The following ELMOD3 variants were observed in gnomAD, a reference collection of about 807,000 sequenced individuals.
ELMOD3 encodes ELMO domain-containing protein 3.
ELMOD3 carries 36 observed loss-of-function variants against 47.4 expected under a neutral mutation model. That is an observed-to-expected ratio of 0.76 (90% CI 0.58 to 1.00). The LOEUF (loss-of-function observed/expected upper bound fraction) is 1.00. ELMOD3 is among the 50% of genes least tolerant of loss of function. The probability of loss-of-function intolerance (pLI) is 0.00; values close to 1 mark genes in which losing one functional copy is unlikely to be tolerated. For missense variants in ELMOD3, 404 were observed against 463.8 expected (o/e 0.87, Z 1.18); for synonymous variants, 149 against 183.5 (o/e 0.81, Z 1.52).
chr2:85,371,593 T>C, intron 10 of ELMOD3, 31 bp downstream of exon 10: 1 of 1,613,288 alleles, frequency 6.2e-7, no homozygotes, highest in African/African-American at 1.3e-5. Context: ...ATCTTCTTTT[T>C]CATGCCTCTG....
chr2:85,357,694 G>A (rs1048163302), intron 4 of ELMOD3: 1 of 153,058 alleles, frequency 6.5e-6, no homozygotes, highest in Non-Finnish European at 1.5e-5. Context: ...TTAAATGGAG[G>A]CTGTGGGATT....
At chr2:85,385,859 C>A (rs753497805) in intron 11 of ELMOD3, among the ~76,000 whole-genome samples, 7 of 152,004 alleles carry the variant, frequency 4.6e-5, no homozygotes, top group Non-Finnish European at 1.0e-4. Context: ...AGAGATGATG[C>A]TGGTTTGTCA....
chr2:85,384,182 T>C (rs1254740383), intron 11 of ELMOD3, among the ~76,000 whole-genome samples: 2 of 152,148 alleles, frequency 1.3e-5, no homozygotes, highest in Non-Finnish European at 2.9e-5. Flanking sequence ...TTGAATAGAG[T>C]GGGAGGCAGG....
In ELMOD3 at chr2:85,356,947, C is replaced by CT. The variant is rs1558688751; in HGVS notation, c.-232-12dup. 24 of 313,596 alleles carry CT rather than the reference C, an allele frequency of 7.7e-5. No homozygotes were observed. The highest frequency in any genetic ancestry group is 1.0e-4 in the Non-Finnish European group (18 of 173,370). The allele number at this position is 313,596 out of a possible 1,614,324, so 19.4% of individuals were successfully genotyped here. A position where few individuals can be genotyped will look rare whatever the true frequency, so the allele number is the denominator to read the frequency against. ...TGAAACCAGTTTTCTTTTTCAATTTCTTTTTTTTCTTTTGTGCAGAGCTGA... is the reference window on the plus strand; with the variant it reads ...TGAAACCAGTTTTCTTTTTCAATTTCTTTTTTTTTCTTTTGTGCAGAGCTGA... On this transcript the variant is annotated intron_variant, in intron 3 of 13. Coordinates refer to ENST00000409013, the MANE Select transcript of ELMOD3 (RefSeq NM_001135022.2).
chr2:85,361,952 G>A (rs1684001353), intron 4 of ELMOD3, among the ~76,000 whole-genome samples: 1 of 151,810 alleles, frequency 6.6e-6, no homozygotes, highest in Non-Finnish European at 1.5e-5. Flanking sequence ...AGAAAAAGTG[G>A]AGGGTGGGAG....
rs750415512 is a variant in ELMOD3, at chr2:85,362,252, G to T, written c.121G>T (p.Gly41Ter). The change falls in exon 5 of 14, where the codon GGA becomes TGA. Residue 41 changes from glycine to a stop codon, truncating the protein, a stop_gained. Transcript: ENST00000409013. LOFTEE classifies it high-confidence loss of function. ...GGACAAGAGTGTTCTGGCTTTCAGA[G>T]GAATCCCTGTATGTATCACCCACAA... ...DKDKSVLAFR[G>*]IPISELKNHG... is the part of the protein sequence containing the mutation. 4 of 1,588,952 alleles carry T rather than the reference G, an allele frequency of 2.5e-6. No homozygotes were observed. Among genetic ancestry groups the T allele is most frequent in the Non-Finnish European group, 3.5e-6 (4 of 1,157,184 alleles).
intron 6 of ELMOD3, among the ~76,000 whole-genome samples, chr2:85,364,280 A>ATT (rs55652730): frequency 5.3e-4 from 79 of 147,918 alleles, no homozygotes; most frequent in African/African-American, 1.9e-3. Context: ...GGCATAGCTA[A>ATT]TTTTTTTTTT....
intron 11 of ELMOD3, among the ~76,000 whole-genome samples, chr2:85,388,750 A>G (rs1247599065): frequency 6.6e-6 from 1 of 152,276 alleles, no homozygotes; most frequent in African/African-American, 2.4e-5. Context: ...AGTACCACTA[A>G]GGAGCTGAAT....
At position 85,390,135 on chromosome 2, in the gene ELMOD3, CAG is replaced by C. The variant is rs772244180; in HGVS notation, c.818_819del. ...AGCAGGTCACCTTGCCTTTTTCCTG[CAG>C]AGAGTGTAATCGGCAGCAGAAGGTC... On this transcript the variant is annotated splice_acceptor_variant, in intron 12 of 13. Coordinates refer to ENST00000409013, the MANE Select transcript of ELMOD3 (RefSeq NM_001135022.2). LOFTEE classifies it high-confidence loss of function. 80 of 1,613,600 alleles carry C rather than the reference CAG, an allele frequency of 5.0e-5. No individual in the cohort carries two copies. The highest frequency in any genetic ancestry group is 1.2e-4 in the African/African-American group (9 of 74,924).
In ELMOD3 at chr2:85,377,430, C is replaced by A. The variant is rs1174833338; in HGVS notation, c.694C>A (p.Pro232Thr). The A allele has an allele frequency of 3.1e-6, 5 of 1,610,336 alleles. No homozygotes were observed. Among genetic ancestry groups the A allele is most frequent in the Non-Finnish European group, 4.2e-6 (5 of 1,178,250 alleles). ...LYLVMDSKTL[P>T]MAQEIFRLSR... Reference sequence around the variant, plus strand: ...CCTGGTGATGGACTCAAAGACCTTGCCGATGGCGCAGGAGATTTTCCGCCT... The same window carrying A: ...CCTGGTGATGGACTCAAAGACCTTGACGATGGCGCAGGAGATTTTCCGCCT... The change falls in exon 11 of 14, where the codon CCG (proline) becomes ACG (threonine). Residue 232 changes from proline to threonine, a missense_variant. Pro to Thr is a conservative substitution (Grantham distance 38). Transcript: ENST00000409013.
chr2:85,390,329 AGGTGGTTGCTAGACT>A (rs1205341638), intron 13 of ELMOD3, 64 bp downstream of exon 13: 1 of 1,614,082 alleles, frequency 6.2e-7, no homozygotes, highest in East Asian at 2.2e-5. Flanking sequence ...AGAGAGCCCA[AGGTGGTTGCTAGACT>A]GGTTTTGGCT....
intron 4 of ELMOD3, among the ~76,000 whole-genome samples, chr2:85,359,356 T>C (rs1196484222): frequency 1.3e-5 from 2 of 152,120 alleles, no homozygotes; most frequent in Non-Finnish European, 2.9e-5. Context: ...TATCAGACTT[T>C]TTGATCTTTG....
chr2:85,369,049 G>C (rs1684602614), intron 7 of ELMOD3, among the ~76,000 whole-genome samples: 1 of 152,184 alleles, frequency 6.6e-6, no homozygotes, highest in African/African-American at 2.4e-5. Flanking sequence ...CTTCTACAGA[G>C]TGGCAAGGCT....
chr2:85,366,215 C>G (rs1684374962), intron 6 of ELMOD3, among the ~76,000 whole-genome samples: 2 of 151,560 alleles, frequency 1.3e-5, no homozygotes, highest in African/African-American at 4.8e-5. Flanking sequence ...AGGTGATCCA[C>G]CCACCTCAGC....
intron 11 of ELMOD3, among the ~76,000 whole-genome samples, chr2:85,382,660 C>T (rs951718076): frequency 5.3e-5 from 8 of 151,712 alleles, no homozygotes; most frequent in Non-Finnish European, 1.0e-4. Context: ...GGACTACAGG[C>T]GCGTGCCACT....
intron 12 of ELMOD3, 49 bp from the exon 13 acceptor site, chr2:85,390,089 C>T: frequency 1.3e-6 from 2 of 1,557,522 alleles, no homozygotes; most frequent in African/African-American, 2.7e-5. Flanking sequence ...GAACCTAGGT[C>T]TCAGCCTTCA....
intron 4 of ELMOD3, chr2:85,357,476 A>G (rs1048008637): frequency 5.2e-6 from 2 of 387,308 alleles, no homozygotes; most frequent in South Asian, 4.3e-5. Context: ...TTGCTTGGGT[A>G]GTGGGGAGAA....
chr2:85,375,454 G>T (rs1685105505), intron 10 of ELMOD3, among the ~76,000 whole-genome samples: 1 of 152,076 alleles, frequency 6.6e-6, no homozygotes, highest in Non-Finnish European at 1.5e-5. Context: ...CACTGATTCT[G>T]TTGTCTCCGT....
At chr2:85,358,699 A>AT (rs201217013) in intron 4 of ELMOD3, among the ~76,000 whole-genome samples, 2 of 152,048 alleles carry the variant, frequency 1.3e-5, no homozygotes, top group Admixed American at 6.5e-5. Flanking sequence ...AAAAAAAAAA[A>AT]GCAGAAGGAT....
Sources: gnomAD v4.1 joint callset for allele counts (sites outside exome capture counted in the v4.1 genomes callset) on GRCh38, gnomAD v4.1.1 for gene constraint, MANE v1.5 for transcripts, NCBI Gene and HGNC (gene_info 2026-07-23, HGNC 2026-07-21) for gene names.